Variants in ARID4B observed in about 807,000 individuals in gnomAD.
ARID4B encodes the protein AT-rich interactive domain-containing protein 4B.
ARID4B carries 26 observed loss-of-function variants against 147.5 expected under a neutral mutation model. That is an observed-to-expected ratio of 0.18 (90% CI 0.13 to 0.24). ARID4B has a LOEUF of 0.24. Among genes scored for constraint, ARID4B ranks in the 10% least tolerant of loss-of-function variants. ARID4B has a pLI of 1.00. For synonymous variants in ARID4B, 512 were observed against 507.9 expected, an observed-to-expected ratio of 1.01 and a Z score of -0.11; for missense variants, 1,179 against 1,511.5, an observed-to-expected ratio of 0.78 and a Z score of 3.65.
intron 7 of ARID4B, among the ~76,000 whole-genome samples, 200 bp from the exon 8 acceptor site, chr1:235,240,651 A>G (rs1668923735): frequency 6.6e-6 from 1 of 152,136 alleles, no homozygotes; most frequent in Non-Finnish European, 1.5e-5. Context: ...TCATTTTCCC[A>G]AAAATATTTC....
At chr1:235,281,006 T>C (rs1475161651) in intron 2 of ARID4B, among the ~76,000 whole-genome samples, 2 of 151,088 alleles carry the variant, frequency 1.3e-5, no homozygotes, top group South Asian at 4.2e-4. Flanking sequence ...TATTAAAAGA[T>C]AACAGAAAAA....
chr1:235,264,631 T>C (rs1473878215), intron 2 of ARID4B, among the ~76,000 whole-genome samples: 3 of 152,220 alleles, frequency 2.0e-5, no homozygotes, highest in Non-Finnish European at 4.4e-5. Context: ...CACTCCATTG[T>C]GATGTCTGAG....
intron 17 of ARID4B, among the ~76,000 whole-genome samples, chr1:235,198,573 C>T (rs887777659): frequency 1.3e-5 from 2 of 152,142 alleles, no homozygotes; most frequent in Non-Finnish European, 2.9e-5. Flanking sequence ...ACTGCCTAAG[C>T]TCTGTAAATC....
At chr1:235,209,200 C>T (rs562854575) in intron 17 of ARID4B, among the ~76,000 whole-genome samples, 6 of 152,292 alleles carry the variant, frequency 3.9e-5, no homozygotes, top group East Asian at 1.9e-4. Flanking sequence ...ACAGGTCGGG[C>T]GCAGTGGCTC....
intron 19 of ARID4B, among the ~76,000 whole-genome samples, chr1:235,186,850 C>T (rs1054090041): frequency 2.7e-4 from 41 of 152,042 alleles, no homozygotes; most frequent in African/African-American, 8.9e-4. Flanking sequence ...CACCAACCAC[C>T]ACATTCGGCT....
chr1:235,327,188 T>G, intron 1 of ARID4B: 1 of 440,372 alleles, frequency 2.3e-6, no homozygotes, highest in Non-Finnish European at 4.1e-6. Context: ...GTCCCCATTG[T>G]CGAGACCCGA....
At chr1:235,193,041 C>G (rs1665227735) in intron 19 of ARID4B, among the ~76,000 whole-genome samples, 1 of 151,330 alleles carries the variant, frequency 6.6e-6, no homozygotes, top group Non-Finnish European at 1.5e-5. Flanking sequence ...TGCAAGTGAG[C>G]TGAGATTGCG....
At chr1:235,229,504 T>C (rs1227934805) in intron 10 of ARID4B, 119 bp from the exon 11 acceptor site, 11 of 716,580 alleles carry the variant, frequency 1.5e-5, no homozygotes, top group Middle Eastern at 3.0e-4. Flanking sequence ...CATTTATTGT[T>C]TGCTATGTAC....
intron 19 of ARID4B, among the ~76,000 whole-genome samples, chr1:235,193,081 G>GA (rs72304948): frequency 0.13 from 19,705 of 150,012 alleles, 1,532 homozygotes; most frequent in African/African-American, 0.2. Flanking sequence ...GTGACAGAGC[G>GA]AGACTCCGTC....
At chr1:235,206,892 G>C (rs1666341351) in intron 17 of ARID4B, among the ~76,000 whole-genome samples, 1 of 152,206 alleles carries the variant, frequency 6.6e-6, no homozygotes, top group African/African-American at 2.4e-5. Flanking sequence ...GCGAAGAAAT[G>C]TCACAGTAGA....
chr1:235,183,916 TG>T (rs1160738493), intron 19 of ARID4B, among the ~76,000 whole-genome samples: 1 of 152,090 alleles, frequency 6.6e-6, no homozygotes, highest in Non-Finnish European at 1.5e-5. Flanking sequence ...CCCAAGTAGC[TG>T]GGACTACAGG....
At chr1:235,218,828 T>C (rs1667256994) in intron 16 of ARID4B, among the ~76,000 whole-genome samples, 1 of 152,064 alleles carries the variant, frequency 6.6e-6, no homozygotes, top group Non-Finnish European at 1.5e-5. Flanking sequence ...TCCCTGTTCG[T>C]CTGCATACTG....
intron 2 of ARID4B, among the ~76,000 whole-genome samples, chr1:235,273,655 G>A (rs1671131294): frequency 6.6e-6 from 1 of 152,152 alleles, no homozygotes; most frequent in African/African-American, 2.4e-5. Context: ...AACTGTACAA[G>A]TATAAAACCA....
chr1:235,221,082 G>C (rs1183190158), intron 14 of ARID4B, among the ~76,000 whole-genome samples: 1 of 152,166 alleles, frequency 6.6e-6, no homozygotes, highest in Admixed American at 6.5e-5. Context: ...ATTTTTAGTG[G>C]AGACAAGGTT....
intron 2 of ARID4B, among the ~76,000 whole-genome samples, chr1:235,297,787 G>A (rs1444278275): frequency 6.6e-6 from 1 of 152,184 alleles, no homozygotes; most frequent in Non-Finnish European, 1.5e-5. Context: ...CCACAAAGAT[G>A]TAATCAGCCA....
rs536303082 is a variant in ARID4B at position 235,244,371 on chromosome 1, G to T, written c.446+2049C>A. 2.5e-4 allele frequency among the ~76,000 whole-genome samples: 38 copies of T among 152,178 alleles called. No individual in the cohort carries two copies. In the South Asian group the frequency reaches 6.0e-3, roughly 24 times the overall value. On this transcript the variant is annotated intron_variant, in intron 7 of 23. Coordinates refer to ENST00000264183, the MANE Select transcript of ARID4B (RefSeq NM_016374.6). ...CAAACAAGTATTTCCATAATTTCAG[G>T]TATTCTATTCTTCTGGATGACTTAA...
intron 2 of ARID4B, among the ~76,000 whole-genome samples, chr1:235,322,454 G>A (rs182930667): frequency 1.6e-4 from 24 of 152,114 alleles, no homozygotes; most frequent in East Asian, 5.8e-4. Context: ...ACCTTGTTTC[G>A]TTCATTTTCC....
At chr1:235,250,079 C>T (rs1185115401) in intron 6 of ARID4B, among the ~76,000 whole-genome samples, 1 of 152,136 alleles carries the variant, frequency 6.6e-6, no homozygotes, top group Admixed American at 6.5e-5. Context: ...TGCACTCCAG[C>T]CTGGGCAACA....
chr1:235,318,521 A>G (rs1202444375), intron 2 of ARID4B, among the ~76,000 whole-genome samples: 3 of 152,112 alleles, frequency 2.0e-5, no homozygotes, highest in Admixed American at 6.5e-5. Flanking sequence ...ATCAGACACA[A>G]AAAGGCCACA....
Sources: gnomAD v4.1 joint callset for allele counts (sites outside exome capture counted in the v4.1 genomes callset) on GRCh38, gnomAD v4.1.1 for gene constraint, MANE v1.5 for transcripts, NCBI Gene and HGNC (gene_info 2026-07-23, HGNC 2026-07-21) for gene names.